Variants in DLG2 observed in about 807,000 individuals in gnomAD.
DLG2 encodes the protein disks large homolog 2.
In DLG2, 45 loss-of-function variants were observed where a neutral mutation model predicts 132.5. The observed-to-expected ratio is 0.34, with a 90% CI of 0.27 to 0.44. DLG2 has a LOEUF of 0.44. Ranked by LOEUF, DLG2 falls within the 20% of genes least tolerant of loss-of-function variation. DLG2 has a pLI of 1.00. For missense variants in DLG2, 1,045 were observed against 1,196.9 expected (o/e 0.87, Z 1.87); for synonymous variants, 424 against 419.6 (o/e 1.01, Z -0.13).
chr11:85,441,834 T>C (rs2153031271), intron 3 of DLG2, among the ~76,000 whole-genome samples: 1 of 152,032 alleles, frequency 6.6e-6, no homozygotes, highest in South Asian at 2.1e-4. Context: ...TTTAAAAATA[T>C]GATAGTTTCA....
chr11:84,724,574 A>G (rs1291494370), intron 6 of DLG2, among the ~76,000 whole-genome samples: 1 of 152,148 alleles, frequency 6.6e-6, no homozygotes, highest in African/African-American at 2.4e-5. Context: ...TTTTTCTGCA[A>G]AAAACCTTTT....
At chr11:84,849,348 A>G (rs1424781913) in intron 6 of DLG2, among the ~76,000 whole-genome samples, 1 of 152,190 alleles carries the variant, frequency 6.6e-6, no homozygotes, top group African/African-American at 2.4e-5. Context: ...TTCACCTAAC[A>G]TCAATGACTT....
At chr11:84,078,697 A>G (rs2096861197) in intron 10 of DLG2, among the ~76,000 whole-genome samples, 1 of 152,180 alleles carries the variant, frequency 6.6e-6, no homozygotes, top group African/African-American at 2.4e-5. Context: ...CAATTTAGAA[A>G]GCTCTGCTCT....
intron 9 of DLG2, among the ~76,000 whole-genome samples, chr11:84,149,491 T>G (rs556199785): frequency 1.3e-5 from 2 of 152,292 alleles, no homozygotes; most frequent in East Asian, 1.9e-4. Context: ...CCCTACTGCT[T>G]ATTTTTGTAG....
intron 16 of DLG2, among the ~76,000 whole-genome samples, chr11:83,837,723 C>CAAAAAAAAAAAAAAAAAAAAAA (rs386374350): frequency 1.5e-4 from 7 of 45,942 alleles, no homozygotes; most frequent in South Asian, 1.5e-3. Flanking sequence ...ACATAGCAAG[C>CAAAAAAAAAAAAAAAAAAAAAA]AAAAAAAAAA....
chr11:83,920,913 A>G (rs1328442267), intron 15 of DLG2, among the ~76,000 whole-genome samples: 1 of 152,142 alleles, frequency 6.6e-6, no homozygotes, highest in African/African-American at 2.4e-5. Context: ...TATATCACCT[A>G]TCTACTAAAA....
chr11:83,571,986 G>A (rs1369999129), intron 19 of DLG2, among the ~76,000 whole-genome samples: 1 of 151,998 alleles, frequency 6.6e-6, no homozygotes, highest in African/African-American at 2.4e-5. Flanking sequence ...TCTGTATGGT[G>A]TGATTCTAAT....
intron 6 of DLG2, among the ~76,000 whole-genome samples, chr11:85,069,384 A>C (rs1186486000): frequency 6.6e-6 from 1 of 152,170 alleles, no homozygotes; most frequent in Non-Finnish European, 1.5e-5. Flanking sequence ...AATGGGAGAA[A>C]ATTTTTGCAA....
intron 18 of DLG2, among the ~76,000 whole-genome samples, chr11:83,635,957 T>G (rs2064730071): frequency 6.6e-6 from 1 of 152,142 alleles, no homozygotes; most frequent in Admixed American, 6.6e-5. Flanking sequence ...GAAAAGGGCC[T>G]TGTCTGGAAC....
chr11:84,461,128 T>C (rs924951925), intron 7 of DLG2, among the ~76,000 whole-genome samples: 1 of 150,948 alleles, frequency 6.6e-6, no homozygotes, highest in African/African-American at 2.4e-5. Context: ...TATAACAATA[T>C]GAATTTTAAT....
intron 11 of DLG2, among the ~76,000 whole-genome samples, chr11:84,003,230 G>A (rs1592836505): frequency 6.6e-6 from 1 of 152,154 alleles, no homozygotes; most frequent in African/African-American, 2.4e-5. Context: ...TTTGGTCAAA[G>A]CCATTCACCA....
At chr11:83,991,868 G>C (rs2093734989) in intron 11 of DLG2, among the ~76,000 whole-genome samples, 1 of 152,292 alleles carries the variant, frequency 6.6e-6, no homozygotes, top group South Asian at 2.1e-4. Flanking sequence ...TTGGAAAGAA[G>C]TTCTTTGCAG....
chr11:84,314,802 T>G (rs898762960), intron 7 of DLG2, among the ~76,000 whole-genome samples: 1 of 151,926 alleles, frequency 6.6e-6, no homozygotes, highest in African/African-American at 2.4e-5. Context: ...TATTAAAGTC[T>G]GTGTGTATGT....
At chr11:85,560,384 G>A (rs2077171390) in intron 3 of DLG2, among the ~76,000 whole-genome samples, 1 of 151,750 alleles carries the variant, frequency 6.6e-6, no homozygotes, top group African/African-American at 2.4e-5. Flanking sequence ...TGTATATTAT[G>A]GAATATTATT....
chr11:85,410,619 C>T (rs960539234), intron 3 of DLG2, among the ~76,000 whole-genome samples: 5 of 151,662 alleles, frequency 3.3e-5, no homozygotes, highest in African/African-American at 4.8e-5. Context: ...CCAGTGGGTC[C>T]GCTTAATGTG....
intron 6 of DLG2, among the ~76,000 whole-genome samples, chr11:84,766,827 AG>A (rs1162979828): frequency 6.6e-6 from 1 of 152,126 alleles, no homozygotes; most frequent in East Asian, 1.9e-4. Context: ...AGATGCTTAT[AG>A]TATGGGAAAT....
intron 4 of DLG2, among the ~76,000 whole-genome samples, chr11:85,211,372 A>C (rs1041675858): frequency 5.3e-5 from 8 of 152,148 alleles, no homozygotes; most frequent in Admixed American, 2.6e-4. Context: ...ATAACTTCAT[A>C]AACAGTTAAT....
intron 6 of DLG2, among the ~76,000 whole-genome samples, chr11:84,833,454 A>G (rs1469132917): frequency 6.6e-6 from 1 of 151,512 alleles, no homozygotes; most frequent in Non-Finnish European, 1.5e-5. Context: ...CCCCTACAAT[A>G]CTTAGACAAT....
intron 15 of DLG2, among the ~76,000 whole-genome samples, chr11:83,911,493 G>GAAA (rs2076043691): frequency 6.6e-6 from 1 of 151,676 alleles, no homozygotes; most frequent in Admixed American, 6.6e-5. Flanking sequence ...TTTTTAATGT[G>GAAA]TGGGATTTTT....
Sources: gnomAD v4.1 joint callset for allele counts (sites outside exome capture counted in the v4.1 genomes callset) on GRCh38, gnomAD v4.1.1 for gene constraint, MANE v1.5 for transcripts, NCBI Gene and HGNC (gene_info 2026-07-23, HGNC 2026-07-21) for gene names.